The following PRIMPOL variants were observed in gnomAD, a reference collection of about 807,000 sequenced individuals.
PRIMPOL encodes the protein primase and DNA directed polymerase, also known as DNA-directed primase/polymerase protein.
Under a neutral mutation model 63.6 loss-of-function variants are expected in PRIMPOL, and 54 were observed. The ratio of observed to expected loss-of-function variants is 0.85; its 90% CI spans 0.68 to 1.07. The LOEUF (loss-of-function observed/expected upper bound fraction) is 1.07. Ranked by LOEUF, PRIMPOL falls within the 50% of genes least tolerant of loss-of-function variation. The pLI is 0.00. For missense variants in PRIMPOL, 610 were observed against 648.3 expected, an observed-to-expected ratio of 0.94 and a Z score of 0.64; for synonymous variants, 197 against 220.2, an observed-to-expected ratio of 0.89 and a Z score of 0.93.
At chr4:184,676,331 CTTCCCTTCCTTTCTCCT>C (rs1753344951) in intron 7 of PRIMPOL, among the ~76,000 whole-genome samples, 1 of 139,422 alleles carries the variant, frequency 7.2e-6, no homozygotes, top group Non-Finnish European at 1.6e-5. Context: ...CTTTCCTTCC[CTTCCCTTCCTTTCTCCT>C]TTTCCTTCCC....
chr4:184,672,932 AACC>A (rs1364756130), intron 7 of PRIMPOL, among the ~76,000 whole-genome samples: 2 of 152,050 alleles, frequency 1.3e-5, no homozygotes, highest in Non-Finnish European at 2.9e-5. Flanking sequence ...GTGATTTCTT[AACC>A]CAGTGTGGTT....
At chr4:184,691,764 T>A in intron 13 of PRIMPOL, 52 bp downstream of exon 13, 1 of 1,382,312 alleles carries the variant, frequency 7.2e-7, no homozygotes, top group Non-Finnish European at 1.0e-6. Flanking sequence ...CTTGGTACAA[T>A]AGTATACCTG....
chr4:184,661,789 C>CTGCTA lies in PRIMPOL; in HGVS notation c.297_301dup (p.Glu101AlafsTer58), dbSNP rs755084241. 2 of 1,605,824 alleles carry CTGCTA rather than the reference C, an allele frequency of 1.2e-6. No individual in the cohort carries two copies. Among genetic ancestry groups the CTGCTA allele is most frequent in the Non-Finnish European group, 1.7e-6 (2 of 1,174,750 alleles). ...TTCAATTTAGAAAAAATCTCTTACACTGCTATGAAGTTATTCCTGAAAATG... is the reference window on the plus strand; with the variant it reads ...TTCAATTTAGAAAAAATCTCTTACACTGCTATGCTATGAAGTTATTCCTGAAAATG... On this transcript the variant is annotated frameshift_variant, in exon 5 of 14. Coordinates refer to ENST00000314970, the MANE Select transcript of PRIMPOL (RefSeq NM_152683.4). LOFTEE classifies it high-confidence loss of function.
chr4:184,685,141 G>A (rs1401020924), intron 9 of PRIMPOL, among the ~76,000 whole-genome samples: 1 of 152,122 alleles, frequency 6.6e-6, no homozygotes, highest in Non-Finnish European at 1.5e-5. Flanking sequence ...GGACGTGAGG[G>A]ACTGCCTTTC....
At chr4:184,689,403 C>T (rs1207968789) in intron 11 of PRIMPOL, among the ~76,000 whole-genome samples, 1 of 151,504 alleles carries the variant, frequency 6.6e-6, no homozygotes, top group African/African-American at 2.4e-5. Flanking sequence ...TTAGACCCCA[C>T]CCTCCCCAAC....
intron 1 of PRIMPOL, among the ~76,000 whole-genome samples, chr4:184,651,299 G>GA (rs1294543552): frequency 6.9e-6 from 1 of 145,108 alleles, no homozygotes; most frequent in South Asian, 2.1e-4. Flanking sequence ...TCAAAAAAAA[G>GA]AAAAAAAAGG....
chr4:184,689,325 A>ATGCTGGAAT (rs1351329144), intron 11 of PRIMPOL, among the ~76,000 whole-genome samples: 37 of 151,652 alleles, frequency 2.4e-4, no homozygotes, highest in African/African-American at 8.7e-4. Flanking sequence ...GCCTCCCAAA[A>ATGCTGGAAT]TGCTGGAATT....
chr4:184,690,877 C>T (rs1267823947), intron 11 of PRIMPOL, among the ~76,000 whole-genome samples: 3 of 152,130 alleles, frequency 2.0e-5, no homozygotes, highest in Admixed American at 6.5e-5. Context: ...TTCCTTGAAC[C>T]ATTGGTTGTT....
chr4:184,678,250 G>A lies in PRIMPOL; in HGVS notation c.863G>A (p.Arg288Lys), dbSNP rs759978834. The A allele has an allele frequency of 6.3e-7, 1 of 1,578,926 alleles. No homozygotes were observed. The highest frequency in any genetic ancestry group is 1.9e-5 in the Admixed American group (1 of 51,566). Reference protein sequence around the residue: ...FVDLGVYTRNRNFRLYKSSKI... With the variant: ...FVDLGVYTRNKNFRLYKSSKI... ...GATGTAGGAGTTTATACAAGAAATA[G>A]AAACTTTCGGCTATATAAATCATCA... The change falls in exon 8 of 14, where the codon AGA becomes AAA. Residue 288 changes from arginine (R) to lysine (K), a missense_variant. Physicochemically the swap from Arg to Lys is conservative, Grantham distance 26. Coordinates refer to ENST00000314970, the MANE Select transcript of PRIMPOL (RefSeq NM_152683.4).
intron 9 of PRIMPOL, 110 bp from the exon 10 acceptor site, chr4:184,685,299 G>GGAA (rs1455320427): frequency 9.3e-6 from 7 of 752,216 alleles, no homozygotes; most frequent in African/African-American, 1.7e-5. Flanking sequence ...AAAGAGTGAG[G>GGAA]GAAGGCTGAG....
intron 4 of PRIMPOL, among the ~76,000 whole-genome samples, chr4:184,661,449 G>A (rs1748280748): frequency 6.6e-6 from 1 of 152,180 alleles, no homozygotes; most frequent in Admixed American, 6.5e-5. Flanking sequence ...GCTCATGTCT[G>A]TAATCCCAGC....
At chr4:184,665,551 T>G (rs1326517200) in intron 5 of PRIMPOL, among the ~76,000 whole-genome samples, 1 of 149,850 alleles carries the variant, frequency 6.7e-6, no homozygotes, top group Admixed American at 6.7e-5. Flanking sequence ...TCACCCAGAC[T>G]GGAGTGCAGT....
rs746457375 is a variant in PRIMPOL at position 184,672,296 on chromosome 4, G to A, written c.680G>A (p.Gly227Glu). 8 of 1,614,078 alleles carry A rather than the reference G, an allele frequency of 5.0e-6. No homozygotes were observed. Among genetic ancestry groups the A allele is most frequent in the South Asian group, 2.2e-5 (2 of 91,072 alleles). The change falls in exon 7 of 14, where the codon GGA (glycine) becomes GAA (glutamate). Residue 227 changes from glycine (G) to glutamate (E), a missense_variant. Coordinates refer to ENST00000314970, the MANE Select transcript of PRIMPOL (RefSeq NM_152683.4). Reference protein sequence around the residue: ...PHFSEAPARQGFSFNKMFTEK... With the variant: ...PHFSEAPARQEFSFNKMFTEK... The stretch of plus-strand genomic sequence containing the variant: ...TTTTCAGAAGCACCTGCAAGACAAG[G>A]ATTTTCTTTCAATAAAATGTTCACA...
In PRIMPOL at chr4:184,691,288, T is replaced by C. The variant is rs994823575; in HGVS notation, c.1296-211T>C. The C allele has an allele frequency of 4.8e-5, 23 of 477,000 alleles. No individual in the cohort carries two copies. In the Admixed American group the frequency reaches 6.1e-4, roughly 13 times the overall value. The allele number at this position is 477,000 out of a possible 1,614,324, so 29.5% of individuals were successfully genotyped here. On this transcript the variant is annotated intron_variant, in intron 11 of 13. Transcript: ENST00000314970. ...TTGTTACATCTTCCTGGGGGAACTT[T>C]CATCAGTATCTACTTTTTGCCCTGC... is the stretch of plus-strand genomic sequence containing the variant.
In PRIMPOL at chr4:184,681,091, C is replaced by A. The variant is rs143782564; in HGVS notation, c.1008-1157C>A. ...CTTACAGAGGTGGAGGGTTCTTCTA[C>A]TGAATACAGTTACCTTGTCTTTTGT... On this transcript the variant is annotated intron_variant, in intron 8 of 13. Coordinates refer to ENST00000314970, the MANE Select transcript of PRIMPOL (RefSeq NM_152683.4). Among the ~76,000 whole-genome samples the A allele has an allele frequency of 1.4e-3, 219 of 152,336 alleles. 1 individual carries two copies. Among genetic ancestry groups the A allele is most frequent in the African/African-American group, 5.2e-3 (215 of 41,578 alleles).
intron 3 of PRIMPOL, among the ~76,000 whole-genome samples, chr4:184,658,303 T>G (rs1747176602): frequency 6.6e-6 from 1 of 152,148 alleles, no homozygotes; most frequent in South Asian, 2.1e-4. Context: ...TAAACCTAAT[T>G]CAAGCAGCAG....
At chr4:184,678,035 G>C (rs1259830050) in intron 7 of PRIMPOL, among the ~76,000 whole-genome samples, 197 bp from the exon 8 acceptor site, 2 of 152,122 alleles carry the variant, frequency 1.3e-5, no homozygotes, top group Admixed American at 6.5e-5. Flanking sequence ...TGAGTTTGCT[G>C]TTTCAGAATG....
chr4:184,694,776 G>A lies in PRIMPOL; in HGVS notation c.1680G>A (p.Glu560=), dbSNP rs1760156260. ...AACTAATTATAGAAGTATTACAAGA[G>A]TAACTAATTCACTATGAACACTTTT... ...PDELIIEVLQ[E] is the part of the protein sequence containing the mutation. The change falls in exon 14 of 14, where the codon GAG becomes GAA. Residue 560 remains glutamate, a synonymous_variant. Coordinates refer to ENST00000314970, the MANE Select transcript of PRIMPOL (RefSeq NM_152683.4). 2 of 1,605,852 alleles carry A rather than the reference G, an allele frequency of 1.2e-6. No individual in the cohort carries two copies. Among genetic ancestry groups the A allele is most frequent in the Non-Finnish European group, 8.5e-7 (1 of 1,172,938 alleles).
intron 9 of PRIMPOL, among the ~76,000 whole-genome samples, chr4:184,684,776 A>C (rs1756578443): frequency 6.6e-6 from 1 of 152,128 alleles, no homozygotes; most frequent in Admixed American, 6.6e-5. Context: ...TGTTAGGGAC[A>C]ATTCTAGGAC....
Sources: gnomAD v4.1 joint callset for allele counts (sites outside exome capture counted in the v4.1 genomes callset) on GRCh38, gnomAD v4.1.1 for gene constraint, MANE v1.5 for transcripts, NCBI Gene and HGNC (gene_info 2026-07-23, HGNC 2026-07-21) for gene names.